Variants in PTPRN2 observed in about 807,000 individuals in gnomAD.
PTPRN2 encodes receptor-type tyrosine-protein phosphatase N2.
In PTPRN2, 74 loss-of-function variants were observed where a neutral mutation model predicts 118.8. The observed-to-expected ratio is 0.62, with a 90% CI of 0.52 to 0.76. PTPRN2 has a LOEUF of 0.76. Among genes scored for constraint, PTPRN2 ranks in the 30% least tolerant of loss-of-function variants. The probability of loss-of-function intolerance (pLI) is 0.00; values close to 1 mark genes in which losing one functional copy is unlikely to be tolerated. For synonymous variants in PTPRN2, 641 were observed against 608.0 expected (o/e 1.05, Z -0.80); for missense variants, 1,481 against 1,394.4 (o/e 1.06, Z -0.99).
chr7:158,171,312 T>TATAC (rs1423658900), intron 5 of PTPRN2, among the ~76,000 whole-genome samples: 1 of 31,882 alleles, frequency 3.1e-5, no homozygotes, highest in Non-Finnish European at 6.4e-5. Flanking sequence ...TACACACATA[T>TATAC]ATATATATAT....
At chr7:157,574,833 T>C (rs1307626295) in intron 19 of PTPRN2, among the ~76,000 whole-genome samples, 1 of 152,246 alleles carries the variant, frequency 6.6e-6, no homozygotes, top group East Asian at 1.9e-4. Context: ...TGAAGCTTTC[T>C]GAGAATGTGT....
chr7:158,210,382 G>A (rs550975161), intron 3 of PTPRN2, among the ~76,000 whole-genome samples: 108 of 151,976 alleles, frequency 7.1e-4, no homozygotes, highest in Non-Finnish European at 1.2e-3. Flanking sequence ...TGATCCGCCC[G>A]CCTCGGCCTC....
At chr7:157,614,140 G>GA (rs1563263729) in intron 15 of PTPRN2, 1 of 467,200 alleles carries the variant, frequency 2.1e-6, no homozygotes, top group Non-Finnish European at 4.4e-6. Flanking sequence ...GGAGGGGGAA[G>GA]ACAGGGGAGG....
At chr7:158,039,707 A>C (rs1808320057) in intron 11 of PTPRN2, among the ~76,000 whole-genome samples, 1 of 152,254 alleles carries the variant, frequency 6.6e-6, no homozygotes, top group African/African-American at 2.4e-5. Flanking sequence ...CCAATACAGC[A>C]TATCTAGGTT....
At chr7:157,806,801 C>T (rs4716781) in intron 12 of PTPRN2, among the ~76,000 whole-genome samples, 6 of 152,156 alleles carry the variant, frequency 3.9e-5, no homozygotes, top group Non-Finnish European at 5.9e-5. Flanking sequence ...AGGCAGACCA[C>T]GGCCCGGTGG....
intron 2 of PTPRN2, among the ~76,000 whole-genome samples, chr7:158,462,781 G>A (rs1001141794): frequency 1.3e-5 from 2 of 152,236 alleles, no homozygotes; most frequent in Non-Finnish European, 2.9e-5. Flanking sequence ...AAGCTAAGCT[G>A]CCTACGATTG....
chr7:157,556,409 A>G (rs1798884673), intron 21 of PTPRN2, among the ~76,000 whole-genome samples: 1 of 150,176 alleles, frequency 6.7e-6, no homozygotes, highest in African/African-American at 2.5e-5. Context: ...CACTCACATC[A>G]TACATACGCA....
At chr7:157,891,005 C>T (rs1796767728) in intron 12 of PTPRN2, among the ~76,000 whole-genome samples, 1 of 152,176 alleles carries the variant, frequency 6.6e-6, no homozygotes, top group Non-Finnish European at 1.5e-5. Context: ...CCCCACCTCC[C>T]CACCTCCTTA....
At chr7:157,932,625 G>C (rs1247860336) in intron 11 of PTPRN2, among the ~76,000 whole-genome samples, 2 of 151,386 alleles carry the variant, frequency 1.3e-5, no homozygotes, top group Admixed American at 6.6e-5. Context: ...TTTTACAGTA[G>C]GGTTGGGTCA....
At chr7:158,283,223 T>G (rs1247003110) in intron 3 of PTPRN2, among the ~76,000 whole-genome samples, 3 of 152,196 alleles carry the variant, frequency 2.0e-5, no homozygotes, top group African/African-American at 7.2e-5. Context: ...AGCAAGTACT[T>G]CAGTCAGGCG....
intron 3 of PTPRN2, among the ~76,000 whole-genome samples, chr7:158,304,249 G>C (rs751459033): frequency 1.3e-5 from 2 of 150,720 alleles, no homozygotes; most frequent in Non-Finnish European, 3.0e-5. Context: ...CTACATGCTA[G>C]GGAGGCATAA....
chr7:158,076,635 T>A (rs1812381966), intron 11 of PTPRN2, among the ~76,000 whole-genome samples: 1 of 152,182 alleles, frequency 6.6e-6, no homozygotes, highest in African/African-American at 2.4e-5. Context: ...CTTACTGGCA[T>A]GTCCTTGGCA....
chr7:157,970,862 G>C (rs987552911), intron 11 of PTPRN2, among the ~76,000 whole-genome samples: 2 of 152,076 alleles, frequency 1.3e-5, no homozygotes, highest in Non-Finnish European at 2.9e-5. Flanking sequence ...GACACTCCCT[G>C]GTCCCCCTCT....
At position 158,438,034 on chromosome 7, in the gene PTPRN2, C is replaced by T. The variant is rs539790085; in HGVS notation, c.163+51701G>A. 1.3e-5 allele frequency among the ~76,000 whole-genome samples: 2 copies of T among 152,322 alleles called. No individual in the cohort carries two copies. Among genetic ancestry groups the T allele is most frequent in the Admixed American group, 6.5e-5 (1 of 15,304 alleles). On this transcript the variant is annotated intron_variant, in intron 2 of 22. Coordinates refer to ENST00000389418, the MANE Select transcript of PTPRN2 (RefSeq NM_002847.5). This position sits in a 1 kb window ranked among gnomAD's most constrained non-coding sequence, Gnocchi z 4.7. ...ATCACAAATGCCCCCAGGAGACAGG[C>T]AGCCCGCAGGGAGTGGGCTCCCTAA...
intron 3 of PTPRN2, among the ~76,000 whole-genome samples, chr7:158,285,429 G>T (rs1212181019): frequency 6.6e-6 from 1 of 152,146 alleles, no homozygotes; most frequent in Non-Finnish European, 1.5e-5. Flanking sequence ...GCCCACGCCG[G>T]CTTCAACTCT....
intron 9 of PTPRN2, among the ~76,000 whole-genome samples, chr7:158,127,923 A>G (rs1817831084): frequency 6.6e-6 from 1 of 152,178 alleles, no homozygotes. Context: ...TCTAGTTTGT[A>G]AAAAGGATAA....
At chr7:157,927,206 G>C (rs377646191) in intron 11 of PTPRN2, among the ~76,000 whole-genome samples, 1,274 of 53,952 alleles carry the variant, frequency 0.024, 54 homozygotes, top group Non-Finnish European at 0.038. Context: ...GGACCCCAAA[G>C]ACAGGAAGCC....
At chr7:158,119,647 A>G (rs1816994048) in intron 9 of PTPRN2, among the ~76,000 whole-genome samples, 1 of 151,988 alleles carries the variant, frequency 6.6e-6, no homozygotes, top group Admixed American at 6.5e-5. Flanking sequence ...CCATATTTAC[A>G]CAACTTCTAT....
At chr7:157,776,131 C>T (rs1803205663) in intron 12 of PTPRN2, among the ~76,000 whole-genome samples, 2 of 143,480 alleles carry the variant, frequency 1.4e-5, no homozygotes, top group Admixed American at 6.8e-5. Context: ...CACCTCCTCC[C>T]TCTCCTCCTC....
Sources: allele counts gnomAD v4.1 joint callset (sites outside exome capture counted in the v4.1 genomes callset), GRCh38; gene constraint gnomAD v4.1.1; non-coding constraint Gnocchi (gnomAD v3.1); transcripts MANE v1.5; gene names NCBI Gene and HGNC (gene_info 2026-07-23, HGNC 2026-07-21).